Variants in ACOX3 observed in about 807,000 individuals in gnomAD.
ACOX3 encodes acyl-CoA oxidase 3, pristanoyl.
ACOX3 carries 73 observed loss-of-function variants against 81.5 expected under a neutral mutation model. That is an observed-to-expected ratio of 0.90 (90% CI 0.74 to 1.09). The LOEUF is 1.09. Ranked by LOEUF, ACOX3 falls within the 50% of genes least tolerant of loss-of-function variation. The pLI is 0.00. For synonymous variants in ACOX3, 387 were observed against 375.1 expected (o/e 1.03, Z -0.37); for missense variants, 947 against 928.0 (o/e 1.02, Z -0.27).
At chr4:8,359,519 G>A in the ACOX3 span, among the ~76,000 whole-genome samples, 7 of 152,306 alleles carry the variant, frequency 4.6e-5, no homozygotes, top group South Asian at 8.3e-4. This position sits in a 1 kb window ranked among gnomAD's most constrained non-coding sequence, Gnocchi z 6.0. Context: ...TTGGCACTAT[G>A]GGATGTTAAC....
chr4:8,377,840 C>A (rs1717161681), intron 14 of ACOX3, among the ~76,000 whole-genome samples: 1 of 152,186 alleles, frequency 6.6e-6, no homozygotes, highest in East Asian at 1.9e-4. Flanking sequence ...TGCAGTCCCT[C>A]CCCCACGGAC....
the ACOX3 span, chr4:8,355,855 C>A: frequency 6.5e-6 from 1 of 153,358 alleles, no homozygotes; most frequent in Non-Finnish European, 1.5e-5. Context: ...AAACTAAATG[C>A]CTTCTTAGAT....
intron 5 of ACOX3, among the ~76,000 whole-genome samples, chr4:8,411,871 G>T (rs1053439340): frequency 1.3e-5 from 2 of 152,208 alleles, no homozygotes; most frequent in Non-Finnish European, 2.9e-5. Context: ...CACACAACAG[G>T]TACCCAGCAA....
At chr4:8,413,664 C>A (rs1201670829) in intron 5 of ACOX3, among the ~76,000 whole-genome samples, 3 of 151,420 alleles carry the variant, frequency 2.0e-5, no homozygotes, top group Non-Finnish European at 4.4e-5. Context: ...CACTGACAGC[C>A]CCAGGGCATC....
rs552929358 is a variant in ACOX3 at position 8,373,426 on chromosome 4, C to T, written c.1896+135G>A. Reference sequence around the variant, plus strand: ...GGGGGTGCGTGTAGGCTCTGGGTGACGCTAAGGGGGTGCGTGTCAGTCTGG... The same window carrying T: ...GGGGGTGCGTGTAGGCTCTGGGTGATGCTAAGGGGGTGCGTGTCAGTCTGG... On this transcript the variant is annotated intron_variant, in intron 16 of 17. Transcript: ENST00000356406. 1.9e-4 allele frequency: 170 copies of T among 888,838 alleles called. 1 individual carries two copies. The African/African-American group carries it at 2.2e-3, about 12-fold the overall frequency. 55.1% of individuals were successfully genotyped at this position (888,838 alleles called of 1,614,324 possible). A position where few individuals can be genotyped will look rare whatever the true frequency, so the allele number is the denominator to read the frequency against.
At position 8,381,345 on chromosome 4, in the gene ACOX3, A is replaced by G. The variant is rs1717624409; in HGVS notation, c.1653+147T>C. The G allele has an allele frequency of 2.9e-5, 19 of 664,520 alleles. No individual in the cohort carries two copies. The South Asian group carries it at 3.4e-4, about 12-fold the overall frequency. 41.2% of individuals were successfully genotyped at this position (664,520 alleles called of 1,614,324 possible). A position where few individuals can be genotyped will look rare whatever the true frequency, so the allele number is the denominator to read the frequency against. ...TGTGTTACAGAGGAGCTGAGCAAGC[A>G]GCAAAGTCATCAAGTCATCTGCCCA... On this transcript the variant is annotated intron_variant, in intron 14 of 17. Coordinates refer to ENST00000356406, the MANE Select transcript of ACOX3 (RefSeq NM_003501.3). This position sits in a 1 kb window ranked among gnomAD's most constrained non-coding sequence, Gnocchi z 4.3.
chr4:8,402,311 G>C (rs557500330), intron 7 of ACOX3, among the ~76,000 whole-genome samples: 1 of 152,198 alleles, frequency 6.6e-6, no homozygotes, highest in Non-Finnish European at 1.5e-5. Context: ...AGGGCAGCGG[G>C]GGGGCCAGCT....
At chr4:8,374,741 T>A in intron 15 of ACOX3, 1 of 417,070 alleles carries the variant, frequency 2.4e-6, no homozygotes. Context: ...TCTGGAAGTG[T>A]TCTCTGAACC....
At chr4:8,387,128 C>T (rs762053802) in intron 13 of ACOX3, among the ~76,000 whole-genome samples, 10 of 152,262 alleles carry the variant, frequency 6.6e-5, no homozygotes, top group East Asian at 5.8e-4. Context: ...ACCTCGAGGG[C>T]GGTTCCTGTC....
chr4:8,367,999 A>G (rs1715683247), intron 17 of ACOX3, among the ~76,000 whole-genome samples: 1 of 151,830 alleles, frequency 6.6e-6, no homozygotes, highest in Non-Finnish European at 1.5e-5. Flanking sequence ...CTCAAAAAAA[A>G]AAAAAAAGAA....
rs896956024 is a variant in ACOX3 at position 8,394,943 on chromosome 4, C to A, written c.1057-201G>T. ...CAACTCAGCCAGTTCGGCTTTCACC[C>A]ATAGCCCTTGACAGACAAGCTCAAA... On this transcript the variant is annotated intron_variant, in intron 9 of 17. Transcript: ENST00000356406. The surrounding 1 kb of genome is among the most constrained non-coding windows in gnomAD (Gnocchi z 5.9). 8.1e-6 allele frequency: 5 copies of A among 619,046 alleles called. No individual in the cohort carries two copies. The highest frequency in any genetic ancestry group is 5.6e-5 in the African/African-American group (3 of 53,870). 38.3% of individuals were successfully genotyped at this position (619,046 alleles called of 1,614,324 possible).
rs79862591 is a variant in ACOX3 at position 8,382,414 on chromosome 4, C to T, written c.1538-807G>A. On this transcript the variant is annotated intron_variant, in intron 13 of 17. Transcript: ENST00000356406. The surrounding 1 kb of genome is among the most constrained non-coding windows in gnomAD (Gnocchi z 4.1). ...TGCTACTACCCCACTGATGAGGACA[C>T]GGGCCCAGGGACCCAGGTACATGGC... 3.1e-3 allele frequency among the ~76,000 whole-genome samples: 474 copies of T among 152,330 alleles called. 4 individuals are homozygous for T. Among genetic ancestry groups the T allele is most frequent in the African/African-American group, 0.011 (452 of 41,582 alleles).
intron 15 of ACOX3, 53 bp downstream of exon 15, chr4:8,374,925 C>G: frequency 6.9e-7 from 1 of 1,451,798 alleles, no homozygotes; most frequent in Non-Finnish European, 9.1e-7. Flanking sequence ...CTAGATACAA[C>G]ACGGGGGCCC....
In ACOX3 at chr4:8,412,328, G is replaced by A. The variant is rs143449078; in HGVS notation, c.543+1964C>T. Among the ~76,000 whole-genome samples the A allele has an allele frequency of 1.0e-3, 158 of 152,342 alleles. No individual in the cohort carries two copies. In the East Asian group the frequency reaches 0.018, roughly 17 times the overall value. Reference sequence around the variant, plus strand: ...CTTATCCCTGCTGGGCTACGGGTCCGCTTGAGTTCATTCCTGGGCTCTTCC... The same window carrying A: ...CTTATCCCTGCTGGGCTACGGGTCCACTTGAGTTCATTCCTGGGCTCTTCC... On this transcript the variant is annotated intron_variant, in intron 5 of 17. Coordinates refer to ENST00000356406, the MANE Select transcript of ACOX3 (RefSeq NM_003501.3).
rs1448186147 is a variant in ACOX3, at chr4:8,384,516, T to C, written c.1538-2909A>G. 6.6e-6 allele frequency among the ~76,000 whole-genome samples: 1 copy of C among 152,064 alleles called. No homozygotes were observed. Among genetic ancestry groups the C allele is most frequent in the African/African-American group, 2.4e-5 (1 of 41,396 alleles). ...CGTCAACAACCTCTGTCCTCAAGAC[T>C]CTCCCAGAATCCTGGGTCACCACGG... On this transcript the variant is annotated intron_variant, in intron 13 of 17. Transcript: ENST00000356406. The surrounding 1 kb of genome is among the most constrained non-coding windows in gnomAD (Gnocchi z 5.3).
intron 9 of ACOX3, 88 bp downstream of exon 9, chr4:8,396,849 T>G: frequency 6.8e-7 from 1 of 1,479,178 alleles, no homozygotes; most frequent in Non-Finnish European, 9.3e-7. Flanking sequence ...TTTGATCAAC[T>G]CCCAGTAACC....
intron 3 of ACOX3, among the ~76,000 whole-genome samples, chr4:8,415,421 T>TA (rs1297877207): frequency 6.6e-6 from 1 of 151,966 alleles, no homozygotes. Flanking sequence ...TTTTTTATTT[T>TA]TTTTTTAATC....
Position 8,416,603 on chromosome 4 carries a change from G to C in ACOX3, c.-14-68C>G. The C allele has an allele frequency of 1.4e-6, 2 of 1,466,354 alleles. No homozygotes were observed. Among genetic ancestry groups the C allele is most frequent in the East Asian group, 2.4e-5 (1 of 41,544 alleles). 90.8% of individuals were successfully genotyped at this position (1,466,354 alleles called of 1,614,324 possible). On this transcript the variant is annotated intron_variant, in intron 1 of 17. Transcript: ENST00000356406. The surrounding 1 kb of genome is among the most constrained non-coding windows in gnomAD (Gnocchi z 4.2). Reference sequence around the variant, plus strand: ...GGGTTCAAACTACCCCCACCAACAGGAGAGCCCGCAACACCTTACAAATCA... The same window carrying C: ...GGGTTCAAACTACCCCCACCAACAGCAGAGCCCGCAACACCTTACAAATCA...
rs1281791669 is a variant in ACOX3, at chr4:8,396,796, C to T, written c.1056+141G>A. 17 of 963,454 alleles carry T rather than the reference C, an allele frequency of 1.8e-5. No individual in the cohort carries two copies. In the Admixed American group the frequency reaches 3.2e-4, roughly 18 times the overall value. The allele number at this position is 963,454 out of a possible 1,614,324, so 59.7% of individuals were successfully genotyped here. A position where few individuals can be genotyped will look rare whatever the true frequency, so the allele number is the denominator to read the frequency against. On this transcript the variant is annotated intron_variant, in intron 9 of 17. Coordinates refer to ENST00000356406, the MANE Select transcript of ACOX3 (RefSeq NM_003501.3). ...CTGGAAGCCTTGCGGCCTGAGATGC[C>T]GCACTCCCGCTAACTAATCATCCTG...
Sources: gnomAD v4.1 joint callset for allele counts (sites outside exome capture counted in the v4.1 genomes callset) on GRCh38, gnomAD v4.1.1 for gene constraint, Gnocchi (gnomAD v3.1) non-coding constraint, MANE v1.5 for transcripts, NCBI Gene and HGNC (gene_info 2026-07-23, HGNC 2026-07-21) for gene names.